PALLD: variants seen among roughly 807,000 people sequenced by gnomAD.
The protein encoded by PALLD is palladin.
In PALLD, 61 loss-of-function variants were observed where a neutral mutation model predicts 123.5. The ratio of observed to expected loss-of-function variants is 0.49; its 90% CI spans 0.40 to 0.61. PALLD has a LOEUF of 0.61. Among genes scored for constraint, PALLD ranks in the 20% least tolerant of loss-of-function variants. The probability of loss-of-function intolerance (pLI) is 0.00; values close to 1 mark genes in which losing one functional copy is unlikely to be tolerated. For synonymous variants in PALLD, 465 were observed against 496.4 expected, an observed-to-expected ratio of 0.94 and a Z score of 0.84; for missense variants, 1,273 against 1,377.0, an observed-to-expected ratio of 0.92 and a Z score of 1.20.
chr4:168,755,190 A>AC (rs1282493653), intron 10 of PALLD, among the ~76,000 whole-genome samples: 1 of 147,858 alleles, frequency 6.8e-6, no homozygotes, highest in Non-Finnish European at 1.5e-5. Context: ...CCGAGATTGC[A>AC]CCACTGCACT....
intron 2 of PALLD, among the ~76,000 whole-genome samples, chr4:168,527,743 G>A (rs1400240236): frequency 1.3e-5 from 2 of 152,108 alleles, no homozygotes; most frequent in African/African-American, 4.8e-5. Context: ...CCACCCCACT[G>A]TCTTGCCCTG....
chr4:168,917,567 T>G (rs978183817), intron 17 of PALLD, among the ~76,000 whole-genome samples: 7 of 152,206 alleles, frequency 4.6e-5, no homozygotes, highest in African/African-American at 1.7e-4. Flanking sequence ...AACTCTTAAA[T>G]ATGGATAAGG....
chr4:168,698,024 G>A (rs955384367), intron 8 of PALLD, among the ~76,000 whole-genome samples: 1 of 152,192 alleles, frequency 6.6e-6, no homozygotes, highest in Non-Finnish European at 1.5e-5. Context: ...ACTCGATGGA[G>A]TACTATTCAG....
intron 2 of PALLD, among the ~76,000 whole-genome samples, chr4:168,516,060 G>A (rs1762962830): frequency 6.6e-6 from 1 of 152,130 alleles, no homozygotes; most frequent in Admixed American, 6.5e-5. Flanking sequence ...CACCACTTAT[G>A]ACTACAAACA....
At chr4:168,638,556 A>T (rs1050935452) in intron 2 of PALLD, among the ~76,000 whole-genome samples, 12 of 152,196 alleles carry the variant, frequency 7.9e-5, no homozygotes, top group Non-Finnish European at 1.6e-4. Context: ...CATAAACTGG[A>T]TACATTATAA....
intron 10 of PALLD, among the ~76,000 whole-genome samples, chr4:168,733,790 G>A (rs749544762): frequency 2.5e-4 from 38 of 152,150 alleles, no homozygotes; most frequent in Non-Finnish European, 4.9e-4. Context: ...CCGGACTGCA[G>A]TGGGTGCTAT....
chr4:168,768,974 A>T (rs1734050889), intron 10 of PALLD, among the ~76,000 whole-genome samples: 1 of 152,160 alleles, frequency 6.6e-6, no homozygotes. Flanking sequence ...GGCTACAGGC[A>T]CACACCACCA....
intron 10 of PALLD, among the ~76,000 whole-genome samples, chr4:168,875,243 T>C (rs554775952): frequency 1.2e-4 from 18 of 152,290 alleles, no homozygotes; most frequent in Admixed American, 1.0e-3. Flanking sequence ...GAATTTCTTA[T>C]GACAAATAAC....
intron 3 of PALLD, among the ~76,000 whole-genome samples, chr4:168,677,402 G>A (rs191673424): frequency 3.3e-5 from 5 of 152,252 alleles, no homozygotes; most frequent in Non-Finnish European, 4.4e-5. Flanking sequence ...TAGCAAATGT[G>A]TGTTTATTCA....
chr4:168,571,800 TAG>T (rs766357004), intron 2 of PALLD, among the ~76,000 whole-genome samples: 24 of 152,198 alleles, frequency 1.6e-4, no homozygotes, highest in Non-Finnish European at 2.9e-4. Flanking sequence ...GCTTTCTCTG[TAG>T]ATTTTAAACC....
intron 10 of PALLD, among the ~76,000 whole-genome samples, chr4:168,723,890 G>C (rs1786274019): frequency 7.4e-6 from 1 of 135,300 alleles, no homozygotes; most frequent in Non-Finnish European, 1.5e-5. Flanking sequence ...TTTGAGTTGG[G>C]CTTTTTTTTT....
At chr4:168,748,502 A>G (rs1383461729) in intron 10 of PALLD, among the ~76,000 whole-genome samples, 1 of 152,210 alleles carries the variant, frequency 6.6e-6, no homozygotes, top group East Asian at 1.9e-4. Flanking sequence ...CCTATTCTGT[A>G]TAACAGATTA....
chr4:168,757,498 T>C (rs1049257608), intron 10 of PALLD, among the ~76,000 whole-genome samples: 2 of 152,248 alleles, frequency 1.3e-5, no homozygotes, highest in African/African-American at 4.8e-5. Flanking sequence ...TTTAAATCTA[T>C]TATGAGAACA....
chr4:168,595,749 C>T (rs1771913519), intron 2 of PALLD, among the ~76,000 whole-genome samples: 1 of 152,050 alleles, frequency 6.6e-6, no homozygotes, highest in Non-Finnish European at 1.5e-5. Context: ...AAATAAAAAT[C>T]TGGCCTACAG....
chr4:168,514,036 G>T (rs936206216), intron 2 of PALLD, among the ~76,000 whole-genome samples: 1 of 152,006 alleles, frequency 6.6e-6, no homozygotes, highest in African/African-American at 2.4e-5. Context: ...AACCTGGGAG[G>T]CAGAGGTTGC....
chr4:168,769,124 A>G (rs548389640), intron 10 of PALLD, among the ~76,000 whole-genome samples: 28 of 152,300 alleles, frequency 1.8e-4, no homozygotes, highest in African/African-American at 6.5e-4. Context: ...CCCAGCCGGT[A>G]TGTGTTTTAT....
In PALLD at chr4:168,832,279, G is replaced by A. The variant is rs974694292; in HGVS notation, c.1965-58643G>A. On this transcript the variant is annotated intron_variant, in intron 10 of 21. Transcript: ENST00000505667. ...TCGGGAGTGCAGGGCTCGGGACAGG[G>A]TGGGGGCGGGGAGGACAAGAGACTC... 4.5e-5 allele frequency: 35 copies of A among 776,950 alleles called. No individual in the cohort carries two copies. In the African/African-American group the frequency reaches 6.6e-4, roughly 15 times the overall value. 48.1% of individuals were successfully genotyped at this position (776,950 alleles called of 1,614,324 possible).
At chr4:168,599,160 G>A (rs1272504660) in intron 2 of PALLD, among the ~76,000 whole-genome samples, 1 of 152,182 alleles carries the variant, frequency 6.6e-6, no homozygotes, top group Admixed American at 6.5e-5. Context: ...TCAGAGTTAA[G>A]AGATGGTAGT....
intron 11 of PALLD, 136 bp downstream of exon 11, chr4:168,891,193 C>T (rs991884395): frequency 5.5e-5 from 52 of 937,640 alleles, no homozygotes; most frequent in Non-Finnish European, 5.4e-5. Context: ...GACAGGGTCA[C>T]ACTTTGTCAC....
Sources: allele counts gnomAD v4.1 joint callset (sites outside exome capture counted in the v4.1 genomes callset), GRCh38; gene constraint gnomAD v4.1.1; transcripts MANE v1.5; gene names NCBI Gene and HGNC (gene_info 2026-07-23, HGNC 2026-07-21).